Variants in ROBO2 observed in about 807,000 individuals in gnomAD.
ROBO2 encodes the protein roundabout guidance receptor 2.
Under a neutral mutation model 160.8 loss-of-function variants are expected in ROBO2, and 53 were observed. The observed-to-expected ratio is 0.33, with a 90% CI of 0.26 to 0.41. The LOEUF is 0.41. Among genes scored for constraint, ROBO2 ranks in the 10% least tolerant of loss-of-function variants. ROBO2 has a pLI of 1.00. For missense variants in ROBO2, 1,577 were observed against 1,722.4 expected (o/e 0.92, Z 1.49); for synonymous variants, 664 against 611.7 (o/e 1.09, Z -1.26).
intron 2 of ROBO2, among the ~76,000 whole-genome samples, chr3:76,394,552 C>A (rs1338748582): frequency 6.6e-6 from 1 of 152,086 alleles, no homozygotes; most frequent in African/African-American, 2.4e-5. Flanking sequence ...CTGCCCTTAA[C>A]ATTTTTTCCT....
intron 2 of ROBO2, among the ~76,000 whole-genome samples, chr3:76,310,580 C>A (rs1559743989): frequency 6.6e-6 from 1 of 152,128 alleles, no homozygotes; most frequent in Non-Finnish European, 1.5e-5. Context: ...AGTGCCGATG[C>A]AATCCCCTTT....
intron 6 of ROBO2, among the ~76,000 whole-genome samples, chr3:77,534,859 A>G (rs540565544): frequency 7.4e-4 from 112 of 152,288 alleles, no homozygotes; most frequent in African/African-American, 2.5e-3. Context: ...GTCTAGCATA[A>G]CACTTACATG....
chr3:77,067,973 G>T (rs187250451), intron 1 of ROBO2, among the ~76,000 whole-genome samples: 7 of 152,110 alleles, frequency 4.6e-5, no homozygotes, highest in Admixed American at 4.6e-4. Flanking sequence ...ATAAACATCA[G>T]TTCTAAATCA....
intron 2 of ROBO2, among the ~76,000 whole-genome samples, chr3:76,038,858 A>G (rs1018182991): frequency 1.4e-4 from 22 of 151,772 alleles, no homozygotes; most frequent in Non-Finnish European, 2.5e-4. Context: ...TTACACTGTC[A>G]ATAAATAATG....
At chr3:76,748,095 C>T (rs968222466) in intron 2 of ROBO2, among the ~76,000 whole-genome samples, 5 of 151,854 alleles carry the variant, frequency 3.3e-5, no homozygotes, top group African/African-American at 9.7e-5. Context: ...TCTTGATTCT[C>T]CTATTCATCC....
At chr3:76,728,793 A>G (rs1476152771) in intron 2 of ROBO2, among the ~76,000 whole-genome samples, 3 of 152,250 alleles carry the variant, frequency 2.0e-5, no homozygotes, top group Non-Finnish European at 4.4e-5. Flanking sequence ...ACAAAAATCT[A>G]TCATTTACTG....
At chr3:76,501,375 C>G (rs977635946) in intron 2 of ROBO2, among the ~76,000 whole-genome samples, 1 of 152,146 alleles carries the variant, frequency 6.6e-6, no homozygotes, top group Non-Finnish European at 1.5e-5. Flanking sequence ...TATCCCAATC[C>G]TCTACTGTGG....
At chr3:76,503,928 C>G (rs1275293852) in intron 2 of ROBO2, among the ~76,000 whole-genome samples, 1 of 152,160 alleles carries the variant, frequency 6.6e-6, no homozygotes, top group Non-Finnish European at 1.5e-5. Context: ...TTTCATTACT[C>G]TTTTCTTTCT....
intron 2 of ROBO2, among the ~76,000 whole-genome samples, chr3:77,437,630 C>T (rs1177014980): frequency 1.3e-5 from 2 of 151,878 alleles, no homozygotes; most frequent in African/African-American, 4.8e-5. Flanking sequence ...TAAAATGGGA[C>T]TAGAAAAGCT....
intron 23 of ROBO2, 52 bp downstream of exon 24, chr3:77,622,484 G>T (rs766032091): frequency 4.7e-6 from 7 of 1,475,590 alleles, no homozygotes; most frequent in Non-Finnish European, 6.6e-6. Context: ...ACATTAAAAT[G>T]CATCAAAAGT....
intron 2 of ROBO2, among the ~76,000 whole-genome samples, chr3:76,745,234 A>T (rs538817615): frequency 8.5e-5 from 13 of 152,260 alleles, no homozygotes; most frequent in African/African-American, 3.1e-4. Context: ...ATCAACGTAG[A>T]TATTAAAAAA....
intron 2 of ROBO2, among the ~76,000 whole-genome samples, chr3:76,948,896 ATATATATATATATTTTTT>A (rs1261051280): frequency 3.5e-5 from 1 of 28,274 alleles, no homozygotes. Context: ...ATATATATAT[ATATATATATATATTTTTT>A]TTTTTTTTTT....
intron 20 of ROBO2, chr3:77,603,172 G>A (rs2094465250): frequency 2.4e-6 from 1 of 425,412 alleles, no homozygotes; most frequent in East Asian, 7.1e-5. Context: ...GCATTTATCT[G>A]TCAAATGACA....
At chr3:76,405,655 T>C (rs1286955999) in intron 2 of ROBO2, among the ~76,000 whole-genome samples, 2 of 151,666 alleles carry the variant, frequency 1.3e-5, no homozygotes, top group Non-Finnish European at 3.0e-5. Context: ...TTGTGAAGGT[T>C]TGGAGAGCAT....
chr3:77,001,986 ATAAAAGCATTTTTAAG>A (rs1302545556), intron 2 of ROBO2, among the ~76,000 whole-genome samples: 4 of 152,270 alleles, frequency 2.6e-5, no homozygotes, highest in Middle Eastern at 3.4e-3. Flanking sequence ...TAATTTTTAA[ATAAAAGCATTTTTAAG>A]TTTACTATAT....
At chr3:77,550,777 G>A in intron 7 of ROBO2, 41 bp from the exon 9 acceptor site, 1 of 1,606,346 alleles carries the variant, frequency 6.2e-7, no homozygotes, top group Non-Finnish European at 8.5e-7. Context: ...ATTTTTTTAA[G>A]TGGAAAATGA....
At chr3:76,917,344 T>A (rs985645535) in intron 2 of ROBO2, among the ~76,000 whole-genome samples, 4 of 152,206 alleles carry the variant, frequency 2.6e-5, no homozygotes, top group Non-Finnish European at 5.9e-5. Flanking sequence ...TTGAGAGGAT[T>A]CAGAAATTGC....
intron 2 of ROBO2, among the ~76,000 whole-genome samples, chr3:76,920,898 AAC>A (rs2076613930): frequency 2.6e-5 from 4 of 152,356 alleles, no homozygotes; most frequent in Middle Eastern, 6.8e-3. Context: ...TGAAAGCAAA[AAC>A]ACAGCAATGG....
chr3:76,740,477 T>C (rs191918850), intron 2 of ROBO2, among the ~76,000 whole-genome samples: 2 of 152,278 alleles, frequency 1.3e-5, no homozygotes, highest in Admixed American at 1.3e-4. Context: ...AATGTTCACT[T>C]TGACCTTTAT....
Sources: gnomAD v4.1 joint callset for allele counts (sites outside exome capture counted in the v4.1 genomes callset) on GRCh38, gnomAD v4.1.1 for gene constraint, MANE v1.5 for transcripts, NCBI Gene and HGNC (gene_info 2026-07-23, HGNC 2026-07-21) for gene names.